Variants in URB1 observed in about 807,000 individuals in gnomAD.
URB1 encodes the protein nucleolar pre-ribosomal-associated protein 1.
URB1 carries 197 observed loss-of-function variants against 242.3 expected under a neutral mutation model. The observed-to-expected ratio is 0.81, with a 90% CI of 0.72 to 0.91. The LOEUF (loss-of-function observed/expected upper bound fraction) is 0.91, where lower values mean the gene tolerates loss of function less well. URB1 is among the 40% of genes least tolerant of loss of function. URB1 has a pLI of 0.00. For missense variants in URB1, 2,721 were observed against 2,860.5 expected (o/e 0.95, Z 1.11); for synonymous variants, 1,153 against 1,201.8 (o/e 0.96, Z 0.84).
chr21:32,330,803 A>G (rs1277379439), intron 30 of URB1, among the ~76,000 whole-genome samples: 1 of 152,312 alleles, frequency 6.6e-6, no homozygotes, highest in South Asian at 2.1e-4. Flanking sequence ...TCCATTTGCT[A>G]TTACCGTAAT....
Position 32,334,336 on chromosome 21 carries a change from T to G in URB1, c.4686-2A>C. On this transcript the variant is annotated splice_acceptor_variant, in intron 28 of 38. Coordinates refer to ENST00000382751, the MANE Select transcript of URB1 (RefSeq NM_014825.3). LOFTEE classifies it high-confidence loss of function. The stretch of plus-strand genomic sequence containing the variant: ...GCCGCTGGGCCCCACAGCAGCACCC[T>G]AGAGCCAGAAAAGGGAAAAGAGACT... 1 of 1,541,722 alleles carries G rather than the reference T, an allele frequency of 6.5e-7. No homozygotes were observed. Among genetic ancestry groups the G allele is most frequent in the African/African-American group, 1.4e-5 (1 of 72,966 alleles).
At chr21:32,384,259 A>G in intron 3 of URB1, 54 bp downstream of exon 3, 1 of 1,527,438 alleles carries the variant, frequency 6.5e-7, no homozygotes, top group African/African-American at 1.4e-5. Flanking sequence ...GGAGAGCTGA[A>G]TGCAGACCAA....
chr21:32,316,804 A>T lies in URB1; in HGVS notation c.6296T>A (p.Leu2099Gln), dbSNP rs763365015. 6 of 1,547,392 alleles carry T rather than the reference A, an allele frequency of 3.9e-6. No individual in the cohort carries two copies. The highest frequency in any genetic ancestry group is 3.5e-6 in the Non-Finnish European group (4 of 1,144,114). Reference protein sequence around the residue: ...APGPVYAAASLAVSWVLRSVA... With the variant: ...APGPVYAAASQAVSWVLRSVA... Reference sequence around the variant, plus strand: ...CGACCGCAGCACCCAACTGACTGCCAGGGAAGCGGCAGCATATACGGGGCC... The same window carrying T: ...CGACCGCAGCACCCAACTGACTGCCTGGGAAGCGGCAGCATATACGGGGCC... The change falls in exon 38 of 39, where the codon CTG becomes CAG. Residue 2099 changes from leucine (L) to glutamine (Q), a missense_variant. Physicochemically the swap from Leu to Gln is moderately radical, Grantham distance 113. Coordinates refer to ENST00000382751, the MANE Select transcript of URB1 (RefSeq NM_014825.3).
chr21:32,375,636 C>A (rs2033450863), intron 5 of URB1, among the ~76,000 whole-genome samples, 153 bp from the exon 6 acceptor site: 1 of 151,564 alleles, frequency 6.6e-6, no homozygotes. Context: ...GTAGAAATAA[C>A]CACTTCCATG....
At chr21:32,382,160 C>T (rs568385552) in intron 4 of URB1, among the ~76,000 whole-genome samples, 11 of 151,978 alleles carry the variant, frequency 7.2e-5, no homozygotes, top group Admixed American at 2.0e-4. Context: ...TTCACTTAGA[C>T]GGCGGGGAGG....
chr21:32,363,959 TTTTTTTTCC>T (rs1265141823), intron 10 of URB1, among the ~76,000 whole-genome samples: 3 of 152,080 alleles, frequency 2.0e-5, no homozygotes, highest in Admixed American at 2.0e-4. Flanking sequence ...CCTAGCCTTT[TTTTTTTTCC>T]TTTTGTAGAG....
intron 1 of URB1, among the ~76,000 whole-genome samples, chr21:32,391,877 A>G (rs1345178269): frequency 1.3e-5 from 2 of 150,224 alleles, no homozygotes; most frequent in Non-Finnish European, 3.0e-5. Context: ...AAAAAAACAT[A>G]GCTGGGCATG....
chr21:32,358,822 C>G (rs2033252855), intron 14 of URB1, among the ~76,000 whole-genome samples: 1 of 152,182 alleles, frequency 6.6e-6, no homozygotes, highest in Non-Finnish European at 1.5e-5. Flanking sequence ...AAGCAGAGCT[C>G]TAGGCAGCAC....
Position 32,312,504 on chromosome 21 carries a change from A to C in URB1, c.*2414T>G. The C allele has an allele frequency of 4.7e-6, 1 of 211,202 alleles. No homozygotes were observed. The highest frequency in any genetic ancestry group is 9.3e-6 in the Non-Finnish European group (1 of 107,566). 13.1% of individuals were successfully genotyped at this position (211,202 alleles called of 1,614,324 possible). A position where few individuals can be genotyped will look rare whatever the true frequency, so the allele number is the denominator to read the frequency against. On this transcript the variant is annotated 3_prime_UTR_variant, in exon 39 of 39. Transcript: ENST00000382751. ...TCTGGGGACCTGAGTTGCACCTTCAACCTCCCCACAGCCTTTCAAAGACAG... is the reference window on the plus strand; with the variant it reads ...TCTGGGGACCTGAGTTGCACCTTCACCCTCCCCACAGCCTTTCAAAGACAG...
chr21:32,329,423 C>A (rs140334925), intron 30 of URB1, among the ~76,000 whole-genome samples: 1 of 152,196 alleles, frequency 6.6e-6, no homozygotes, highest in Non-Finnish European at 1.5e-5. Flanking sequence ...GAGGAGCCTG[C>A]GTGCTCTGGT....
intron 22 of URB1, 103 bp downstream of exon 22, chr21:32,346,853 T>A: frequency 1.4e-6 from 2 of 1,421,148 alleles, no homozygotes; most frequent in Non-Finnish European, 1.9e-6. Flanking sequence ...CTAACCCACA[T>A]CCCAGAACCT....
chr21:32,346,756 C>G (rs1013816850), intron 22 of URB1, among the ~76,000 whole-genome samples, 200 bp downstream of exon 22: 2 of 152,168 alleles, frequency 1.3e-5, no homozygotes, highest in African/African-American at 2.4e-5. Context: ...CCTCAAGCCA[C>G]AAAGTAGGGA....
intron 4 of URB1, among the ~76,000 whole-genome samples, chr21:32,383,066 C>T (rs976781560): frequency 6.6e-6 from 1 of 152,208 alleles, no homozygotes; most frequent in African/African-American, 2.4e-5. Context: ...AGAGGACTGG[C>T]ACACACTACA....
chr21:32,344,783 CAG>C (rs2033067023), intron 23 of URB1, 27 bp from the exon 24 acceptor site: 2 of 1,543,848 alleles, frequency 1.3e-6, no homozygotes, highest in South Asian at 2.4e-5. Flanking sequence ...GAGTCAGAGA[CAG>C]AGAGCAGGTT....
chr21:32,366,561 T>C (rs2123604716), intron 10 of URB1, 57 bp downstream of exon 10: 5 of 1,545,154 alleles, frequency 3.2e-6, no homozygotes, highest in East Asian at 2.4e-5. Flanking sequence ...TCACATCATG[T>C]AGCCAGCGAG....
rs534615504 is a variant in URB1 at position 32,347,312 on chromosome 21, C to T, written c.3512G>A (p.Ser1171Asn). ...LTCSPQDQLQ[S>N]GELLWSSEYV... ...CTCGGAGGACCACAGGAGCTCACCA[C>T]TCTGCAGCTGATCCTGGGGGCTGCA... The change falls in exon 22 of 39, where the codon AGT becomes AAT. Residue 1171 changes from serine to asparagine, a missense_variant. Ser to Asn is a conservative substitution (Grantham distance 46, BLOSUM62 1). Coordinates refer to ENST00000382751, the MANE Select transcript of URB1 (RefSeq NM_014825.3). The T allele has an allele frequency of 1.2e-5, 19 of 1,551,276 alleles. No homozygotes were observed. Among genetic ancestry groups the T allele is most frequent in the Middle Eastern group, 3.3e-4 (2 of 5,992 alleles).
intron 5 of URB1, among the ~76,000 whole-genome samples, chr21:32,375,925 C>G (rs1368520055): frequency 6.6e-6 from 1 of 151,984 alleles, no homozygotes; most frequent in Admixed American, 6.6e-5. Context: ...CCACTGCACT[C>G]CAGCCTAGGC....
Position 32,319,426 on chromosome 21 carries a change from C to A in URB1, c.5595-12G>T. On this transcript the variant is annotated splice_polypyrimidine_tract_variant and intron_variant, in intron 35 of 38. Transcript: ENST00000382751. ...GAGTCTCCAGAAACCTAAAACCAAG[C>A]ACAACAGCCTTCAATCCGCCACATC... The A allele has an allele frequency of 6.7e-7, 1 of 1,503,088 alleles. No individual in the cohort carries two copies. 93.1% of individuals were successfully genotyped at this position (1,503,088 alleles called of 1,614,324 possible). A position where few individuals can be genotyped will look rare whatever the true frequency, so the allele number is the denominator to read the frequency against.
chr21:32,346,964 G>A lies in URB1; in HGVS notation c.3860C>T (p.Pro1287Leu). The A allele has an allele frequency of 6.6e-7, 1 of 1,512,402 alleles. No individual in the cohort carries two copies. The highest frequency in any genetic ancestry group is 8.9e-7 in the Non-Finnish European group (1 of 1,120,664). 93.7% of individuals were successfully genotyped at this position (1,512,402 alleles called of 1,614,324 possible). A position where few individuals can be genotyped will look rare whatever the true frequency, so the allele number is the denominator to read the frequency against. The change falls in exon 22 of 39, where the codon CCA becomes CTA. Residue 1287 changes from proline (P) to leucine (L), a missense_variant. Transcript: ENST00000382751. ...QCRTRSHFTR[P>L]AGVSSAVIPV... is the part of the protein sequence containing the mutation. ...GCTAGCCTTTCCCTTACCTCCTGCT[G>A]GGCGTGTGAAGTGGCTCCGTGTCCT...
Sources: allele counts gnomAD v4.1 joint callset (sites outside exome capture counted in the v4.1 genomes callset), GRCh38; gene constraint gnomAD v4.1.1; transcripts MANE v1.5; gene names NCBI Gene and HGNC (gene_info 2026-07-23, HGNC 2026-07-21).